Variants in MIPOL1 observed in about 807,000 individuals in gnomAD.
The protein encoded by MIPOL1 is mirror-image polydactyly gene 1 protein.
Under a neutral mutation model 60.9 loss-of-function variants are expected in MIPOL1, and 57 were observed. The observed-to-expected ratio is 0.94, with a 90% CI of 0.76 to 1.17. MIPOL1 has a LOEUF of 1.17. Ranked by LOEUF, MIPOL1 falls within the 50% of genes most tolerant of loss-of-function variation. The probability of loss-of-function intolerance (pLI) is 0.00; values close to 1 mark genes in which losing one functional copy is unlikely to be tolerated. For synonymous variants in MIPOL1, 179 were observed against 168.8 expected (o/e 1.06, Z -0.47); for missense variants, 551 against 511.6 (o/e 1.08, Z -0.74).
chr14:37,446,131 C>T (rs78578462), intron 11 of MIPOL1, among the ~76,000 whole-genome samples: 85,728 of 151,832 alleles, frequency 0.56, 25,962 homozygotes, highest in Non-Finnish European at 0.66. Context: ...TCAGAGTGAA[C>T]AGGCAACCTA....
In MIPOL1 at chr14:37,526,571, C is replaced by T. The variant is rs530403468; in HGVS notation, c.1263-20334C>T. 1.9e-4 allele frequency among the ~76,000 whole-genome samples: 28 copies of T among 147,748 alleles called. No homozygotes were observed. The South Asian group carries it at 1.9e-3, about 10-fold the overall frequency. On this transcript the variant is annotated intron_variant, in intron 12 of 12. Coordinates refer to ENST00000684589, the MANE Select transcript of MIPOL1 (RefSeq NM_001388067.1). ...TTTTTTTTTTTTTTTTTAGTAGAGA[C>T]GGGGTTTCACCGTTTTAGCCAGGAT...
At chr14:37,358,804 G>A (rs757081875) in intron 9 of MIPOL1, among the ~76,000 whole-genome samples, 8 of 152,168 alleles carry the variant, frequency 5.3e-5, no homozygotes, top group African/African-American at 1.9e-4. Context: ...TCTGAGGGTA[G>A]TTTCTCTTGC....
At chr14:37,459,099 C>G (rs1487610562) in intron 11 of MIPOL1, among the ~76,000 whole-genome samples, 1 of 151,786 alleles carries the variant, frequency 6.6e-6, no homozygotes, top group African/African-American at 2.4e-5. Context: ...CCACACCTCA[C>G]CCCTAGGAAC....
intron 11 of MIPOL1, among the ~76,000 whole-genome samples, chr14:37,457,226 A>C (rs1350342946): frequency 1.3e-5 from 2 of 152,184 alleles, no homozygotes; most frequent in African/African-American, 4.8e-5. Flanking sequence ...CTTTACCTAC[A>C]AGTGGGTGTT....
At chr14:37,440,721 T>C (rs1205264081) in intron 11 of MIPOL1, among the ~76,000 whole-genome samples, 1 of 152,228 alleles carries the variant, frequency 6.6e-6, no homozygotes, top group Non-Finnish European at 1.5e-5. Context: ...TTGTGGATTG[T>C]GCTGTGATAA....
At chr14:37,493,670 C>T (rs1430535942) in intron 11 of MIPOL1, among the ~76,000 whole-genome samples, 1 of 152,108 alleles carries the variant, frequency 6.6e-6, no homozygotes, top group Non-Finnish European at 1.5e-5. Flanking sequence ...AATTATAAAA[C>T]TTAAATTTAT....
intron 10 of MIPOL1, among the ~76,000 whole-genome samples, chr14:37,402,823 G>T: frequency 6.6e-6 from 1 of 152,190 alleles, no homozygotes; most frequent in Non-Finnish European, 1.5e-5. Context: ...CTTAGGAACT[G>T]TGACTTTGAA....
At position 37,308,491 on chromosome 14, in the gene MIPOL1, T is replaced by C. The variant is rs1194368032; in HGVS notation, c.800T>C (p.Ile267Thr). 3 of 1,591,846 alleles carry C rather than the reference T, an allele frequency of 1.9e-6. No individual in the cohort carries two copies. The highest frequency in any genetic ancestry group is 2.6e-6 in the Non-Finnish European group (3 of 1,171,750). The change falls in exon 9 of 13, where the codon ATA becomes ACA. Residue 267 changes from isoleucine (I) to threonine (T), a missense_variant. Transcript: ENST00000684589. ...RITAEEMSAL[I>T]EERDAALSKC... ...ACTGCAGAAGAAATGAGTGCACTAA[T>C]AGAAGAACGGGATGCTGCCTTGTCT...
At chr14:37,449,476 C>T (rs1198691973) in intron 11 of MIPOL1, among the ~76,000 whole-genome samples, 1 of 152,146 alleles carries the variant, frequency 6.6e-6, no homozygotes, top group African/African-American at 2.4e-5. Context: ...TTATCATTCA[C>T]CTGTCCTTCA....
chr14:37,342,352 C>T (rs1052583629), intron 9 of MIPOL1, among the ~76,000 whole-genome samples: 1 of 151,046 alleles, frequency 6.6e-6, no homozygotes, highest in Non-Finnish European at 1.5e-5. Flanking sequence ...CAGAGTGAGA[C>T]TCTGTCTAAA....
intron 9 of MIPOL1, among the ~76,000 whole-genome samples, chr14:37,315,100 A>G (rs1355923635): frequency 6.6e-6 from 1 of 152,284 alleles, no homozygotes; most frequent in African/African-American, 2.4e-5. Context: ...GGGTGGGATT[A>G]TCACTTTAAA....
intron 10 of MIPOL1, among the ~76,000 whole-genome samples, chr14:37,414,349 A>G (rs1373609929): frequency 6.6e-6 from 1 of 152,194 alleles, no homozygotes; most frequent in Non-Finnish European, 1.5e-5. Context: ...ATATCCTACT[A>G]TTATTAGTCA....
chr14:37,259,839 T>C (rs1015018116), intron 3 of MIPOL1, among the ~76,000 whole-genome samples: 1 of 152,182 alleles, frequency 6.6e-6, no homozygotes, highest in African/African-American at 2.4e-5. Flanking sequence ...TTGAGCAATG[T>C]ATCTTTTGGA....
At chr14:37,520,384 A>T (rs2095404529) in intron 12 of MIPOL1, among the ~76,000 whole-genome samples, 1 of 152,212 alleles carries the variant, frequency 6.6e-6, no homozygotes, top group Non-Finnish European at 1.5e-5. Context: ...TTTAAAGTTT[A>T]GTATCTGCCT....
intron 11 of MIPOL1, among the ~76,000 whole-genome samples, chr14:37,475,192 T>G (rs1021236278): frequency 6.6e-6 from 1 of 152,170 alleles, no homozygotes; most frequent in African/African-American, 2.4e-5. Flanking sequence ...CTTGAACTCC[T>G]GACCTCAAGT....
At chr14:37,328,042 C>T (rs886247540) in intron 9 of MIPOL1, among the ~76,000 whole-genome samples, 5 of 151,658 alleles carry the variant, frequency 3.3e-5, no homozygotes, top group African/African-American at 9.7e-5. Context: ...GACAGAGTTT[C>T]GCTCTTGTTG....
chr14:37,252,492 C>A (rs1411098007), intron 3 of MIPOL1, among the ~76,000 whole-genome samples: 1 of 151,772 alleles, frequency 6.6e-6, no homozygotes. Flanking sequence ...ATGATTCTTA[C>A]GGTTTTTCTA....
In MIPOL1 at chr14:37,329,116, T is replaced by A. The variant is rs150832404; in HGVS notation, c.828+20597T>A. ...TTATAGTTTTAAAATACTAGTTGACTTTAGGGAGTTGAATGATAGACTGTT... is the reference window on the plus strand; with the variant it reads ...TTATAGTTTTAAAATACTAGTTGACATTAGGGAGTTGAATGATAGACTGTT... On this transcript the variant is annotated intron_variant, in intron 9 of 12. Coordinates refer to ENST00000684589, the MANE Select transcript of MIPOL1 (RefSeq NM_001388067.1). 6.4e-3 allele frequency among the ~76,000 whole-genome samples: 969 copies of A among 152,186 alleles called. 10 individuals are homozygous for A. Among genetic ancestry groups the A allele is most frequent in the African/African-American group, 0.022 (926 of 41,524 alleles).
intron 1 of MIPOL1, among the ~76,000 whole-genome samples, chr14:37,222,078 C>A (rs1018080274): frequency 1.3e-5 from 2 of 152,120 alleles, no homozygotes; most frequent in Non-Finnish European, 2.9e-5. Context: ...CACTGTGAGT[C>A]TGTGAAATTA....
Sources: gnomAD v4.1 joint callset for allele counts (sites outside exome capture counted in the v4.1 genomes callset) on GRCh38, gnomAD v4.1.1 for gene constraint, MANE v1.5 for transcripts, NCBI Gene and HGNC (gene_info 2026-07-23, HGNC 2026-07-21) for gene names.